Variants in SLIT3 observed in about 807,000 individuals in gnomAD.
SLIT3 encodes slit guidance ligand 3.
Under a neutral mutation model 184.0 loss-of-function variants are expected in SLIT3, and 68 were observed. The observed-to-expected ratio is 0.37, with a 90% confidence interval of 0.30 to 0.45. The LOEUF is 0.45. Ranked by LOEUF, SLIT3 falls within the 20% of genes least tolerant of loss-of-function variation. SLIT3 has a pLI of 1.00. For missense variants in SLIT3, 1,707 were observed against 2,026.0 expected (o/e 0.84, Z 3.02); for synonymous variants, 831 against 828.6 (o/e 1.00, Z -0.05).
chr5:168,680,347 A>T (rs1268858009), intron 32 of SLIT3, among the ~76,000 whole-genome samples: 1 of 152,244 alleles, frequency 6.6e-6, no homozygotes, highest in Non-Finnish European at 1.5e-5. Context: ...CCTGGAATAG[A>T]ATCTTCATGT....
At chr5:169,120,182 T>C (rs754482893) in intron 4 of SLIT3, 1 of 152,226 alleles carries the variant, frequency 6.6e-6, no homozygotes, top group South Asian at 2.1e-4. Flanking sequence ...ATCTTGATAT[T>C]TGGTCAGAGT....
chr5:169,246,841 C>T (rs949755827), intron 2 of SLIT3, among the ~76,000 whole-genome samples: 8 of 147,910 alleles, frequency 5.4e-5, no homozygotes, highest in Non-Finnish European at 8.9e-5. Context: ...ATTGCTTGAA[C>T]CCAGGAGGCA....
intron 4 of SLIT3, among the ~76,000 whole-genome samples, chr5:169,115,037 G>A (rs148594935): frequency 9.8e-5 from 15 of 152,290 alleles, no homozygotes; most frequent in African/African-American, 3.6e-4. Context: ...ATTTCCAGGG[G>A]TGCTCTGTGT....
chr5:169,032,893 A>G (rs1172570165), intron 4 of SLIT3, among the ~76,000 whole-genome samples: 1 of 147,564 alleles, frequency 6.8e-6, no homozygotes, highest in African/African-American at 2.5e-5. Context: ...TAACATAGCC[A>G]TCATCTCATA....
intron 12 of SLIT3, among the ~76,000 whole-genome samples, chr5:168,785,047 T>C (rs747030889): frequency 1.3e-5 from 2 of 151,896 alleles, no homozygotes; most frequent in Non-Finnish European, 2.9e-5. Flanking sequence ...CTCCGAGACT[T>C]GGTCTTCTCC....
At chr5:169,167,659 T>C (rs1762684346) in intron 4 of SLIT3, among the ~76,000 whole-genome samples, 1 of 152,078 alleles carries the variant, frequency 6.6e-6, no homozygotes. Context: ...ATTTCACAGA[T>C]GACAAAACTG....
At chr5:168,809,135 T>C (rs992349980) in intron 8 of SLIT3, among the ~76,000 whole-genome samples, 1 of 152,178 alleles carries the variant, frequency 6.6e-6, no homozygotes, top group Non-Finnish European at 1.5e-5. Flanking sequence ...AGTTCTAACA[T>C]GGAATTCTTC....
intron 1 of SLIT3, among the ~76,000 whole-genome samples, chr5:169,252,415 A>C: frequency 6.6e-6 from 1 of 152,202 alleles, no homozygotes; most frequent in East Asian, 1.9e-4. Context: ...TATTGAAGTG[A>C]GGGTGGAGGG....
intron 32 of SLIT3, among the ~76,000 whole-genome samples, chr5:168,674,496 T>TTC (rs1761351372): frequency 6.7e-6 from 1 of 148,806 alleles, no homozygotes; most frequent in African/African-American, 2.5e-5. Flanking sequence ...TCACTTTTTT[T>TTC]TTTTTTTTTT....
chr5:168,967,479 G>T (rs1417657083), intron 4 of SLIT3, among the ~76,000 whole-genome samples: 8 of 11,498 alleles, frequency 7.0e-4, no homozygotes, highest in African/African-American at 2.0e-3. Flanking sequence ...TCGCTCTGTC[G>T]CCCAGGCTGG....
At chr5:168,842,488 G>GTTTT in intron 6 of SLIT3, among the ~76,000 whole-genome samples, 1 of 87,264 alleles carries the variant, frequency 1.1e-5, no homozygotes, top group South Asian at 3.5e-4. Flanking sequence ...TTTTTTTTTT[G>GTTTT]TATCTGAGTA....
chr5:169,176,421 A>T (rs370957394), intron 4 of SLIT3, among the ~76,000 whole-genome samples: 4 of 152,284 alleles, frequency 2.6e-5, no homozygotes, highest in African/African-American at 9.6e-5. Flanking sequence ...TGGGTTTCTA[A>T]TACTTACTAG....
chr5:169,042,225 T>G (rs1757470195), intron 4 of SLIT3, among the ~76,000 whole-genome samples: 1 of 152,046 alleles, frequency 6.6e-6, no homozygotes, highest in South Asian at 2.1e-4. Flanking sequence ...CAGAAACACT[T>G]TAATCACCCT....
chr5:168,939,343 G>T (rs921138358), intron 4 of SLIT3, among the ~76,000 whole-genome samples: 2 of 152,172 alleles, frequency 1.3e-5, no homozygotes, highest in Non-Finnish European at 2.9e-5. Context: ...ATGTATACTG[G>T]ACAAGGAATT....
chr5:169,153,752 ACT>A (rs1762202998), intron 4 of SLIT3, among the ~76,000 whole-genome samples: 1 of 152,064 alleles, frequency 6.6e-6, no homozygotes, highest in Non-Finnish European at 1.5e-5. Flanking sequence ...TGTTGCTTTG[ACT>A]CTGATTCTAA....
intron 4 of SLIT3, among the ~76,000 whole-genome samples, chr5:169,167,860 G>A (rs893992798): frequency 1.3e-4 from 20 of 152,300 alleles, no homozygotes; most frequent in African/African-American, 4.6e-4. Context: ...TGTCCCAGCA[G>A]GGTCTCTGGC....
rs375892633 is a variant in SLIT3 at position 168,875,429 on chromosome 5, C to T, written c.485+7836G>A. Among the ~76,000 whole-genome samples the T allele has an allele frequency of 4.0e-5, 6 of 151,898 alleles. No individual in the cohort carries two copies. The East Asian group carries it at 7.8e-4, about 20-fold the overall frequency. Reference sequence around the variant, plus strand: ...GGTGGATCACCTGAGGTCAGGAGTCCGAGACTAGGCTGGTCAACATGGTGT... The same window carrying T: ...GGTGGATCACCTGAGGTCAGGAGTCTGAGACTAGGCTGGTCAACATGGTGT... On this transcript the variant is annotated intron_variant, in intron 5 of 35. Transcript: ENST00000519560.
chr5:169,021,154 C>T (rs1233843233), intron 4 of SLIT3, among the ~76,000 whole-genome samples: 1 of 152,142 alleles, frequency 6.6e-6, no homozygotes, highest in Non-Finnish European at 1.5e-5. Flanking sequence ...TAGATGTCTA[C>T]ACCCTGGAAT....
chr5:168,971,408 C>A (rs1459546590), intron 4 of SLIT3, among the ~76,000 whole-genome samples: 1 of 152,180 alleles, frequency 6.6e-6, no homozygotes, highest in Non-Finnish European at 1.5e-5. Flanking sequence ...TTCCACTGTA[C>A]CCCATTGCAG....
Sources: gnomAD v4.1 joint callset for allele counts (sites outside exome capture counted in the v4.1 genomes callset) on GRCh38, gnomAD v4.1.1 for gene constraint, MANE v1.5 for transcripts, NCBI Gene and HGNC (gene_info 2026-07-23, HGNC 2026-07-21) for gene names.